The following SEMA3A variants were observed in gnomAD, a reference collection of about 807,000 sequenced individuals.
SEMA3A encodes the protein semaphorin 3A, also known as semaphorin-3A.
SEMA3A carries 29 observed loss-of-function variants against 97.9 expected under a neutral mutation model. That is an observed-to-expected ratio of 0.30 (90% CI 0.22 to 0.40). SEMA3A has a LOEUF of 0.40. Among genes scored for constraint, SEMA3A ranks in the 10% least tolerant of loss-of-function variants. The pLI, the probability that SEMA3A is intolerant of heterozygous loss-of-function variation, is 1.00. For synonymous variants in SEMA3A, 321 were observed against 323.7 expected (o/e 0.99, Z 0.09); for missense variants, 763 against 951.3 (o/e 0.80, Z 2.60).
At chr7:84,475,154 C>T (rs961039091) in intron 1 of SEMA3A, among the ~76,000 whole-genome samples, 4 of 152,030 alleles carry the variant, frequency 2.6e-5, no homozygotes, top group African/African-American at 9.7e-5. Flanking sequence ...CCATCTCATA[C>T]TCCCTGGTGA....
chr7:84,065,343 C>T (rs1376735392), intron 4 of SEMA3A, among the ~76,000 whole-genome samples: 1 of 131,654 alleles, frequency 7.6e-6, no homozygotes, highest in African/African-American at 3.0e-5. Flanking sequence ...GACACCCTAA[C>T]ATCACAATTA....
chr7:84,450,625 C>T (rs926567029), intron 1 of SEMA3A, among the ~76,000 whole-genome samples: 14 of 152,146 alleles, frequency 9.2e-5, no homozygotes, highest in Non-Finnish European at 1.6e-4. Flanking sequence ...TTCTTGCTGC[C>T]TATTTGTAAG....
chr7:84,412,454 A>T (rs1208026799), intron 1 of SEMA3A, among the ~76,000 whole-genome samples: 3 of 152,146 alleles, frequency 2.0e-5, no homozygotes, highest in Non-Finnish European at 4.4e-5. Flanking sequence ...GAGGGGTCAC[A>T]TTTTTACATT....
At chr7:84,425,413 C>CTATATTTATATGAATATAAA (rs1804779942) in intron 1 of SEMA3A, among the ~76,000 whole-genome samples, 1 of 125,386 alleles carries the variant, frequency 8.0e-6, no homozygotes. Context: ...AAATATATGC[C>CTATATTTATATGAATATAAA]TATATTTATA....
At chr7:84,372,728 ATAAT>A (rs2116107506) in intron 1 of SEMA3A, among the ~76,000 whole-genome samples, 2 of 152,268 alleles carry the variant, frequency 1.3e-5, no homozygotes, top group East Asian at 3.9e-4. Context: ...CCGTGACCAA[ATAAT>A]TAAAAATATA....
intron 1 of SEMA3A, among the ~76,000 whole-genome samples, chr7:84,377,122 T>A (rs1803124280): frequency 6.6e-6 from 1 of 152,186 alleles, no homozygotes; most frequent in South Asian, 2.1e-4. Context: ...ATTTCCCCTA[T>A]GTTTTCTTCT....
intron 2 of SEMA3A, among the ~76,000 whole-genome samples, chr7:84,320,061 T>G (rs1166244760): frequency 1.3e-5 from 2 of 152,176 alleles, no homozygotes; most frequent in Admixed American, 6.5e-5. Context: ...ATCACTTCTC[T>G]GTTACCATAT....
chr7:84,283,407 T>C (rs1231508457), intron 3 of SEMA3A, among the ~76,000 whole-genome samples: 1 of 152,150 alleles, frequency 6.6e-6, no homozygotes, highest in East Asian at 1.9e-4. Flanking sequence ...ACTATTACTG[T>C]TAATGTTACA....
At chr7:84,348,144 G>A (rs1251691067) in intron 2 of SEMA3A, among the ~76,000 whole-genome samples, 1 of 152,058 alleles carries the variant, frequency 6.6e-6, no homozygotes, top group Non-Finnish European at 1.5e-5. Flanking sequence ...AATAAAAAAT[G>A]CTGCTGAATA....
At chr7:84,325,107 A>G (rs1801740189) in intron 2 of SEMA3A, among the ~76,000 whole-genome samples, 1 of 149,812 alleles carries the variant, frequency 6.7e-6, no homozygotes, top group African/African-American at 2.5e-5. Context: ...ACAATGGAGA[A>G]TGTATATATC....
intron 1 of SEMA3A, among the ~76,000 whole-genome samples, chr7:84,482,769 A>T (rs900867498): frequency 1.3e-5 from 2 of 152,130 alleles, no homozygotes; most frequent in African/African-American, 2.4e-5. Context: ...ATGGTGCTGC[A>T]TAACTAGTAT....
chr7:83,991,945 G>T (rs1272696695), intron 12 of SEMA3A, among the ~76,000 whole-genome samples: 2 of 147,136 alleles, frequency 1.4e-5, no homozygotes, highest in Admixed American at 6.8e-5. Context: ...GAATCCATCT[G>T]GTCCTGGACT....
Position 84,128,976 on chromosome 7 carries a change from C to G in SEMA3A, c.333+147G>C, listed in dbSNP as rs1795878756. On this transcript the variant is annotated intron_variant, in intron 3 of 16. Coordinates refer to ENST00000265362, the MANE Select transcript of SEMA3A (RefSeq NM_006080.3). ...TTTTGCTTTTAGTATTGGGTTCTAT[C>G]CTAAAGATATCTTATTATATATATG... is the stretch of plus-strand genomic sequence containing the variant. The G allele has an allele frequency of 4.8e-6, 3 of 626,472 alleles. 1 individual carries two copies. Among genetic ancestry groups the G allele is most frequent in the Middle Eastern group, 2.9e-4 (1 of 3,432 alleles). The allele number at this position is 626,472 out of a possible 1,614,324, so 38.8% of individuals were successfully genotyped here. A position where few individuals can be genotyped will look rare whatever the true frequency, so the allele number is the denominator to read the frequency against.
intron 1 of SEMA3A, among the ~76,000 whole-genome samples, chr7:84,402,266 C>T (rs1803925534): frequency 6.6e-6 from 1 of 152,112 alleles, no homozygotes; most frequent in African/African-American, 2.4e-5. Flanking sequence ...ATCATTCATA[C>T]CTAATTATCA....
At chr7:84,302,491 C>T (rs1436552727) in intron 3 of SEMA3A, among the ~76,000 whole-genome samples, 1 of 152,098 alleles carries the variant, frequency 6.6e-6, no homozygotes, top group Non-Finnish European at 1.5e-5. Context: ...ATACATGTAT[C>T]AACAAATATT....
At chr7:84,463,459 A>G (rs961303073) in intron 1 of SEMA3A, among the ~76,000 whole-genome samples, 7 of 151,910 alleles carry the variant, frequency 4.6e-5, no homozygotes, top group South Asian at 4.2e-4. Flanking sequence ...CGTGTTAGCC[A>G]GGATAGTCCC....
chr7:84,250,598 A>G (rs1193659023), intron 3 of SEMA3A, among the ~76,000 whole-genome samples: 1 of 152,166 alleles, frequency 6.6e-6, no homozygotes, highest in Non-Finnish European at 1.5e-5. Context: ...AGGCAATCAC[A>G]GTGTGTTTAA....
chr7:84,290,083 G>A (rs1330201686), intron 3 of SEMA3A, among the ~76,000 whole-genome samples: 2 of 152,138 alleles, frequency 1.3e-5, no homozygotes, highest in African/African-American at 4.8e-5. Context: ...ATTAGTGCTT[G>A]CTTAGGGTGA....
At chr7:84,071,563 G>C (rs1292770028) in intron 4 of SEMA3A, among the ~76,000 whole-genome samples, 1 of 151,946 alleles carries the variant, frequency 6.6e-6, no homozygotes, top group African/African-American at 2.4e-5. Flanking sequence ...CCTAATCTAA[G>C]CAGGTACAAA....
Sources: allele counts gnomAD v4.1 joint callset (sites outside exome capture counted in the v4.1 genomes callset), GRCh38; gene constraint gnomAD v4.1.1; transcripts MANE v1.5; gene names NCBI Gene and HGNC (gene_info 2026-07-23, HGNC 2026-07-21).